Variants in SIMC1 observed in about 807,000 individuals in gnomAD.
SIMC1 encodes the protein SUMO-interacting motif-containing protein 1.
In SIMC1, 55 loss-of-function variants were observed where a neutral mutation model predicts 82.3. The observed-to-expected ratio is 0.67, with a 90% confidence interval of 0.54 to 0.84. The LOEUF is 0.84. Among genes scored for constraint, SIMC1 ranks in the 40% least tolerant of loss-of-function variants. The pLI is 0.00. For missense variants in SIMC1, 915 were observed against 1,107.2 expected, an observed-to-expected ratio of 0.83 and a Z score of 2.46; for synonymous variants, 353 against 426.3, an observed-to-expected ratio of 0.83 and a Z score of 2.12.
chr5:176,334,205 T>G (rs772683859), intron 7 of SIMC1, among the ~76,000 whole-genome samples: 2 of 152,212 alleles, frequency 1.3e-5, no homozygotes, highest in Non-Finnish European at 2.9e-5. Flanking sequence ...TGTCTGGTAA[T>G]TTTTATTGTG....
intron 1 of SIMC1, among the ~76,000 whole-genome samples, chr5:176,283,546 A>T (rs565233922): frequency 1.1e-3 from 162 of 152,344 alleles, no homozygotes; most frequent in African/African-American, 3.8e-3. Flanking sequence ...GAAAGGAAGA[A>T]CCGTTAGCAG....
Position 176,289,644 on chromosome 5 carries a change from C to T in SIMC1, c.130-10C>T, listed in dbSNP as rs375873158. ...TCTTGACCTCTTTTCTTCACACAAT[C>T]CTTCAACAGGACTTCATTGACTTAA... On this transcript the variant is annotated splice_polypyrimidine_tract_variant and intron_variant, in intron 1 of 9. Coordinates refer to ENST00000429602, the MANE Select transcript of SIMC1 (RefSeq NM_001308195.2). 3.8e-6 allele frequency: 6 copies of T among 1,568,330 alleles called. No individual in the cohort carries two copies. Among genetic ancestry groups the T allele is most frequent in the Non-Finnish European group, 5.2e-6 (6 of 1,157,414 alleles).
intron 4 of SIMC1, chr5:176,308,986 T>A: frequency 1.1e-6 from 1 of 869,736 alleles, no homozygotes; most frequent in Non-Finnish European, 2.0e-6. Context: ...AGGAAGAGCT[T>A]ATGCAAGAAC....
At chr5:176,275,542 T>C (rs1487771300) in intron 1 of SIMC1, among the ~76,000 whole-genome samples, 1 of 151,862 alleles carries the variant, frequency 6.6e-6, no homozygotes, top group African/African-American at 2.4e-5. Flanking sequence ...GGCATCCCTG[T>C]CTTGTGCCAG....
chr5:176,308,068 A>AGTGCAGGTG (rs924955141), intron 4 of SIMC1: 1 of 722,936 alleles, frequency 1.4e-6, no homozygotes, highest in South Asian at 1.5e-5. Flanking sequence ...CCAAGATGGC[A>AGTGCAGGTG]GTGCAGGTGG....
chr5:176,272,457 C>T (rs966316429), intron 1 of SIMC1, among the ~76,000 whole-genome samples: 7 of 151,814 alleles, frequency 4.6e-5, no homozygotes, highest in Admixed American at 1.3e-4. Context: ...AAATGTATAT[C>T]GAAATCCTAG....
intron 4 of SIMC1, among the ~76,000 whole-genome samples, chr5:176,302,477 G>T (rs911610290): frequency 1.3e-5 from 2 of 152,130 alleles, no homozygotes; most frequent in African/African-American, 4.8e-5. Flanking sequence ...GTGAAAAACT[G>T]AAAGATTTTC....
At chr5:176,245,484 G>T (rs931990960) in intron 1 of SIMC1, among the ~76,000 whole-genome samples, 2 of 152,016 alleles carry the variant, frequency 1.3e-5, no homozygotes, top group Non-Finnish European at 2.9e-5. Context: ...CCTAGTTTCT[G>T]GTAATTTTTA....
At chr5:176,273,569 A>G (rs997719992) in intron 1 of SIMC1, among the ~76,000 whole-genome samples, 2 of 152,162 alleles carry the variant, frequency 1.3e-5, no homozygotes, top group Non-Finnish European at 2.9e-5. Flanking sequence ...TTAGTTACAT[A>G]TGTATACATG....
At chr5:176,320,991 A>C (rs1195584459) in intron 5 of SIMC1, among the ~76,000 whole-genome samples, 2 of 152,060 alleles carry the variant, frequency 1.3e-5, no homozygotes, top group African/African-American at 2.4e-5. Context: ...GCCCTTGACA[A>C]TTACCTCACC....
chr5:176,302,830 C>T (rs1764100231), intron 4 of SIMC1, among the ~76,000 whole-genome samples: 1 of 152,110 alleles, frequency 6.6e-6, no homozygotes, highest in Non-Finnish European at 1.5e-5. Context: ...ATAAAATACT[C>T]AGGCATAAAC....
At chr5:176,328,271 C>A (rs1033298116) in intron 7 of SIMC1, among the ~76,000 whole-genome samples, 2 of 152,066 alleles carry the variant, frequency 1.3e-5, no homozygotes, top group East Asian at 1.9e-4. Flanking sequence ...ATATACATAT[C>A]TTTTTGTAAA....
In SIMC1 at chr5:176,322,265, C is replaced by T. The variant is rs751083459; in HGVS notation, c.1890-8C>T. On this transcript the variant is annotated splice_region_variant and splice_polypyrimidine_tract_variant and intron_variant, in intron 5 of 9. Coordinates refer to ENST00000429602, the MANE Select transcript of SIMC1 (RefSeq NM_001308195.2). ...GAATAAACCTTTTCTTTCTTTTTTC[C>T]ATTACAGGGATGTTATCAAGTGGCT... The T allele has an allele frequency of 1.3e-6, 2 of 1,539,242 alleles. No individual in the cohort carries two copies. Among genetic ancestry groups the T allele is most frequent in the East Asian group, 2.4e-5 (1 of 41,218 alleles).
chr5:176,244,902 G>T (rs1360833268), intron 1 of SIMC1, among the ~76,000 whole-genome samples: 1 of 151,702 alleles, frequency 6.6e-6, no homozygotes, highest in Admixed American at 6.6e-5. Context: ...TATATTTTTA[G>T]TAGAGACAGG....
intron 5 of SIMC1, among the ~76,000 whole-genome samples, chr5:176,315,781 G>A (rs924065658): frequency 1.3e-5 from 2 of 152,094 alleles, no homozygotes; most frequent in Admixed American, 6.6e-5. Flanking sequence ...TTCCCTATAT[G>A]TGATATTTTT....
At chr5:176,289,098 A>T (rs1460421921) in intron 1 of SIMC1, among the ~76,000 whole-genome samples, 2 of 152,172 alleles carry the variant, frequency 1.3e-5, no homozygotes, top group Non-Finnish European at 2.9e-5. Flanking sequence ...AAGGAGACAG[A>T]TCTGTGTTTG....
chr5:176,278,933 C>T (rs578250751), intron 1 of SIMC1, among the ~76,000 whole-genome samples: 6 of 151,814 alleles, frequency 4.0e-5, no homozygotes, highest in African/African-American at 1.2e-4. Flanking sequence ...TGTCTCTGCC[C>T]GGCTTTGTTA....
intron 4 of SIMC1, chr5:176,308,441 T>C (rs1764520606): frequency 6.2e-7 from 1 of 1,607,826 alleles, no homozygotes; most frequent in South Asian, 1.1e-5. Context: ...CCCATCCTCA[T>C]ATAACTGTTT....
Position 176,337,058 on chromosome 5 carries a change from G to A in SIMC1, c.2329-4G>A. ...ATTATCAATCCATTTTACTATCTCT[G>A]CAGTCAGATAAAAGCCAGTGGCAGA... On this transcript the variant is annotated splice_region_variant and splice_polypyrimidine_tract_variant and intron_variant, in intron 8 of 9. Transcript: ENST00000429602. 6.2e-7 allele frequency: 1 copy of A among 1,613,736 alleles called. No individual in the cohort carries two copies. The highest frequency in any genetic ancestry group is 1.1e-5 in the South Asian group (1 of 91,034).
Sources: allele counts gnomAD v4.1 joint callset (sites outside exome capture counted in the v4.1 genomes callset), GRCh38; gene constraint gnomAD v4.1.1; transcripts MANE v1.5; gene names NCBI Gene and HGNC (gene_info 2026-07-23, HGNC 2026-07-21).